ERC2: variants seen among roughly 807,000 people sequenced by gnomAD.
The protein encoded by ERC2 is ERC protein 2.
ERC2 carries 42 observed loss-of-function variants against 114.8 expected under a neutral mutation model. That is an observed-to-expected ratio of 0.37 (90% confidence interval 0.29 to 0.47). The LOEUF (loss-of-function observed/expected upper bound fraction) is 0.47, where lower values mean the gene tolerates loss of function less well. Ranked by LOEUF, ERC2 falls within the 20% of genes least tolerant of loss-of-function variation. ERC2 has a pLI of 0.99. For missense variants in ERC2, 939 were observed against 1,150.7 expected, an observed-to-expected ratio of 0.82 and a Z score of 2.66; for synonymous variants, 454 against 425.5, an observed-to-expected ratio of 1.07 and a Z score of -0.82.
chr3:55,697,253 G>T (rs566746268), intron 16 of ERC2, among the ~76,000 whole-genome samples: 1 of 152,318 alleles, frequency 6.6e-6, no homozygotes, highest in African/African-American at 2.4e-5. Context: ...CCGGGCTCCA[G>T]ATTTCTCATC....
chr3:55,672,338 C>T (rs1436852536), intron 17 of ERC2, among the ~76,000 whole-genome samples: 3 of 100,398 alleles, frequency 3.0e-5, no homozygotes, highest in Non-Finnish European at 6.0e-5. Flanking sequence ...GACCCTATCT[C>T]AAAAAAAAAA....
At chr3:55,682,458 C>G (rs1027346341) in intron 17 of ERC2, among the ~76,000 whole-genome samples, 1 of 152,110 alleles carries the variant, frequency 6.6e-6, no homozygotes, top group Non-Finnish European at 1.5e-5. Flanking sequence ...TGAAAACCAC[C>G]ATCCTGTGAA....
intron 13 of ERC2, among the ~76,000 whole-genome samples, chr3:55,904,896 TC>T (rs776188241): frequency 1.3e-5 from 2 of 152,214 alleles, no homozygotes; most frequent in Non-Finnish European, 2.9e-5. Flanking sequence ...TCACGGTCAT[TC>T]CTGCTAAGGT....
intron 3 of ERC2, among the ~76,000 whole-genome samples, chr3:56,223,202 T>G (rs182297055): frequency 2.4e-4 from 37 of 152,342 alleles, no homozygotes; most frequent in Non-Finnish European, 5.9e-5. Context: ...AATCTTTGTT[T>G]CTAAAATGAA....
chr3:56,053,276 C>T (rs1405434323), intron 7 of ERC2, among the ~76,000 whole-genome samples: 2 of 152,064 alleles, frequency 1.3e-5, no homozygotes, highest in African/African-American at 2.4e-5. Flanking sequence ...AACAACCAGA[C>T]CCACAGGGAA....
At chr3:55,862,983 G>A (rs541413024) in intron 14 of ERC2, among the ~76,000 whole-genome samples, 1 of 152,156 alleles carries the variant, frequency 6.6e-6, no homozygotes, top group Non-Finnish European at 1.5e-5. Flanking sequence ...ATCTTGAAGT[G>A]AGCACATTAA....
At chr3:56,235,334 G>T (rs754160592) in intron 3 of ERC2, among the ~76,000 whole-genome samples, 1 of 152,154 alleles carries the variant, frequency 6.6e-6, no homozygotes, top group African/African-American at 2.4e-5. Context: ...ACAAACAGTT[G>T]TAATAGTGAT....
chr3:55,811,269 C>T (rs191595909), intron 14 of ERC2, among the ~76,000 whole-genome samples: 1 of 152,236 alleles, frequency 6.6e-6, no homozygotes, highest in Admixed American at 6.5e-5. Context: ...TCAAGCATGC[C>T]TTTTCTTAAT....
Position 55,713,124 on chromosome 3 carries a change from C to G in ERC2, c.2713-13612G>C, listed in dbSNP as rs867454071. Among the ~76,000 whole-genome samples the G allele has an allele frequency of 5.1e-4, 51 of 99,538 alleles. No homozygotes were observed. The South Asian group carries it at 0.011, about 21-fold the overall frequency. The allele number at this position is 99,538 out of a possible 152,430, so 65.3% of individuals were successfully genotyped here. Reference sequence around the variant, plus strand: ...TCTCTCTCTCTCTCTCTCTCTCTCTCTCTGTCTCACACACACACACACACA... The same window carrying G: ...TCTCTCTCTCTCTCTCTCTCTCTCTGTCTGTCTCACACACACACACACACA... On this transcript the variant is annotated intron_variant, in intron 15 of 17. Coordinates refer to ENST00000288221, the MANE Select transcript of ERC2 (RefSeq NM_015576.3).
At chr3:56,388,589 C>A (rs116796044) in intron 2 of ERC2, among the ~76,000 whole-genome samples, 2,816 of 152,266 alleles carry the variant, frequency 0.018, 90 homozygotes, top group African/African-American at 0.065. Flanking sequence ...AGTCCACAGA[C>A]CTTGCCCTCA....
At chr3:56,288,174 A>G (rs1461001416) in intron 3 of ERC2, among the ~76,000 whole-genome samples, 2 of 152,182 alleles carry the variant, frequency 1.3e-5, no homozygotes, top group Non-Finnish European at 1.5e-5. Context: ...AGCTTATGAA[A>G]CATGCTAACA....
intron 7 of ERC2, among the ~76,000 whole-genome samples, chr3:56,048,225 G>A (rs1400706122): frequency 2.0e-5 from 3 of 152,126 alleles, no homozygotes; most frequent in Non-Finnish European, 1.5e-5. Flanking sequence ...GAACAGAGGG[G>A]GCAGGAAGAA....
At chr3:56,150,324 T>C (rs2081352135) in intron 4 of ERC2, among the ~76,000 whole-genome samples, 1 of 152,154 alleles carries the variant, frequency 6.6e-6, no homozygotes, top group Non-Finnish European at 1.5e-5. Flanking sequence ...TATTTTCCTA[T>C]AATCTATGCC....
intron 17 of ERC2, among the ~76,000 whole-genome samples, chr3:55,624,674 T>C (rs1362502921): frequency 3.9e-5 from 6 of 152,148 alleles, no homozygotes; most frequent in African/African-American, 1.2e-4. Context: ...GAAACCCAGC[T>C]TTTTCCTCTG....
At chr3:56,323,453 G>C (rs2057217478) in intron 2 of ERC2, among the ~76,000 whole-genome samples, 1 of 152,090 alleles carries the variant, frequency 6.6e-6, no homozygotes, top group Admixed American at 6.6e-5. Context: ...TGTGACAGAG[G>C]CCGTCTTAAA....
rs554996554 is a variant in ERC2, at chr3:56,078,646, G to C, written c.1641+2171C>G. ...CAAGAACAAGTGCTCCTGGCAGTAG[G>C]GGGTGAGCATGTAACATAACCTTGG... On this transcript the variant is annotated intron_variant, in intron 7 of 17. Transcript: ENST00000288221. 2.0e-5 allele frequency among the ~76,000 whole-genome samples: 3 copies of C among 152,188 alleles called. No homozygotes were observed. The East Asian group carries it at 5.8e-4, about 29-fold the overall frequency.
intron 3 of ERC2, among the ~76,000 whole-genome samples, chr3:56,249,332 CCTTTTTTTTTTGAGACAGAGTCTCG>C (rs2150227554): frequency 7.1e-6 from 1 of 140,482 alleles, no homozygotes; most frequent in Admixed American, 7.2e-5. Context: ...CATTAATTCA[CCTTTTTTTTTTGAGACAGAGTCTCG>C]CTCTGTCATC....
At chr3:55,686,078 AACAG>A (rs1275936286) in intron 16 of ERC2, among the ~76,000 whole-genome samples, 1 of 152,208 alleles carries the variant, frequency 6.6e-6, no homozygotes, top group Non-Finnish European at 1.5e-5. Flanking sequence ...TTATGATTGA[AACAG>A]ACAGGAGTTG....
chr3:55,721,881 A>G (rs572398210), intron 15 of ERC2, among the ~76,000 whole-genome samples: 5 of 152,334 alleles, frequency 3.3e-5, no homozygotes, highest in African/African-American at 1.2e-4. Context: ...AAGGTGGCCC[A>G]GAGCCACCTT....
Sources: allele counts gnomAD v4.1 joint callset (sites outside exome capture counted in the v4.1 genomes callset), GRCh38; gene constraint gnomAD v4.1.1; transcripts MANE v1.5; gene names NCBI Gene and HGNC (gene_info 2026-07-23, HGNC 2026-07-21).